Variants in RXFP2 observed in about 807,000 individuals in gnomAD.
RXFP2 encodes relaxin receptor 2.
A neutral mutation model predicts 88.6 loss-of-function variants in RXFP2; 68 were observed. The observed-to-expected ratio is 0.77, with a 90% confidence interval of 0.63 to 0.94. RXFP2 has a LOEUF of 0.94. Among genes scored for constraint, RXFP2 ranks in the 40% least tolerant of loss-of-function variants. The pLI, the probability that RXFP2 is intolerant of heterozygous loss-of-function variation, is 0.00. For synonymous variants in RXFP2, 329 were observed against 306.8 expected, an observed-to-expected ratio of 1.07 and a Z score of -0.76; for missense variants, 791 against 893.9, an observed-to-expected ratio of 0.88 and a Z score of 1.47.
chr13:31,758,242 C>T lies in RXFP2; in HGVS notation c.95-16C>T. 6.2e-7 allele frequency: 1 copy of T among 1,613,880 alleles called. No individual in the cohort carries two copies. Among genetic ancestry groups the T allele is most frequent in the African/African-American group, 1.3e-5 (1 of 75,008 alleles). ...GGCCATGGTAACACTTTGTTTTTGC[C>T]CCTTCTTTCATGTAGATTTTGCACT... is the stretch of plus-strand genomic sequence containing the variant. On this transcript the variant is annotated splice_polypyrimidine_tract_variant and intron_variant, in intron 1 of 17. Coordinates refer to ENST00000298386, the MANE Select transcript of RXFP2 (RefSeq NM_130806.5).
rs552571761 is a variant in RXFP2 at position 31,747,632 on chromosome 13, C to T, written c.94+7926C>T. ...TAAGTTCAGACAACAATTTTTGAGG[C>T]ATCTGCTATATACTAAGAACTGAAA... On this transcript the variant is annotated intron_variant, in intron 1 of 17. Coordinates refer to ENST00000298386, the MANE Select transcript of RXFP2 (RefSeq NM_130806.5). 2.0e-5 allele frequency among the ~76,000 whole-genome samples: 3 copies of T among 152,284 alleles called. No individual in the cohort carries two copies. In the East Asian group the frequency reaches 5.8e-4, roughly 29 times the overall value.
At chr13:31,753,343 G>A (rs910677207) in intron 1 of RXFP2, among the ~76,000 whole-genome samples, 12 of 152,084 alleles carry the variant, frequency 7.9e-5, no homozygotes, top group South Asian at 2.1e-4. Flanking sequence ...CCATCTAAAC[G>A]TCATTTTAAA....
chr13:31,742,692 G>C (rs746957928), intron 1 of RXFP2, among the ~76,000 whole-genome samples: 1 of 152,198 alleles, frequency 6.6e-6, no homozygotes, highest in Non-Finnish European at 1.5e-5. Context: ...AAAATTGCCT[G>C]CCATGTGAAT....
At chr13:31,798,809 C>A (rs927041163) in intron 17 of RXFP2, among the ~76,000 whole-genome samples, 1 of 152,200 alleles carries the variant, frequency 6.6e-6, no homozygotes, top group Non-Finnish European at 1.5e-5. Flanking sequence ...CTGGATTATA[C>A]TTTCACCTTC....
intron 1 of RXFP2, among the ~76,000 whole-genome samples, chr13:31,752,396 G>T (rs937887522): frequency 1.3e-5 from 2 of 152,060 alleles, no homozygotes; most frequent in Non-Finnish European, 2.9e-5. Context: ...ATTCCATTAG[G>T]GCAGGAATCT....
chr13:31,744,750 G>T, intron 1 of RXFP2, among the ~76,000 whole-genome samples: 1 of 149,306 alleles, frequency 6.7e-6, no homozygotes. Context: ...TTTTTTATTT[G>T]GATCATTCCA....
At chr13:31,752,081 C>G (rs1871696876) in intron 1 of RXFP2, among the ~76,000 whole-genome samples, 1 of 152,136 alleles carries the variant, frequency 6.6e-6, no homozygotes, top group African/African-American at 2.4e-5. Context: ...ATAAAGACAC[C>G]CAGGCAAGGA....
intron 17 of RXFP2, 42 bp downstream of exon 17, chr13:31,797,461 T>A: frequency 7.0e-7 from 1 of 1,433,198 alleles, no homozygotes; most frequent in Non-Finnish European, 9.8e-7. Context: ...ACATCGTGCC[T>A]TCTTACGTCC....
chr13:31,793,454 G>A (rs537826343), intron 16 of RXFP2, among the ~76,000 whole-genome samples: 3 of 146,430 alleles, frequency 2.0e-5, no homozygotes, highest in Admixed American at 2.0e-4. Flanking sequence ...TTACAATCTA[G>A]TTATGAGTTA....
chr13:31,794,231 T>C (rs1489744586), intron 16 of RXFP2, among the ~76,000 whole-genome samples: 1 of 152,168 alleles, frequency 6.6e-6, no homozygotes, highest in African/African-American at 2.4e-5. Flanking sequence ...CTACCCTATT[T>C]GGTAGTTATT....
intron 8 of RXFP2, 109 bp from the exon 9 acceptor site, chr13:31,778,403 A>C (rs1873095186): frequency 2.6e-6 from 2 of 760,688 alleles, no homozygotes; most frequent in Non-Finnish European, 4.6e-6. Context: ...TGTTATCATC[A>C]TAAGATATTA....
At chr13:31,785,215 G>T (rs1056455355) in intron 11 of RXFP2, among the ~76,000 whole-genome samples, 1 of 152,064 alleles carries the variant, frequency 6.6e-6, no homozygotes, top group Non-Finnish European at 1.5e-5. Context: ...GGACTTGGAT[G>T]CTTGGACTCT....
At chr13:31,793,544 T>A (rs899269723) in intron 16 of RXFP2, among the ~76,000 whole-genome samples, 1 of 152,196 alleles carries the variant, frequency 6.6e-6, no homozygotes, top group Non-Finnish European at 1.5e-5. Flanking sequence ...ATTGCCTTTG[T>A]TAAATGCAGC....
chr13:31,793,431 C>CT (rs35293680), intron 16 of RXFP2, among the ~76,000 whole-genome samples: 54,592 of 144,548 alleles, frequency 0.38, 10,088 homozygotes, highest in Admixed American at 0.46. Flanking sequence ...TATTTAAACT[C>CT]TTTTTTTTTT....
At chr13:31,775,001 A>G (rs1872881500) in intron 6 of RXFP2, among the ~76,000 whole-genome samples, 1 of 152,156 alleles carries the variant, frequency 6.6e-6, no homozygotes, top group Non-Finnish European at 1.5e-5. Flanking sequence ...TCTACTAAGG[A>G]TGTCACCAAA....
intron 1 of RXFP2, among the ~76,000 whole-genome samples, chr13:31,751,202 G>C (rs886840041): frequency 2.6e-5 from 4 of 152,118 alleles, no homozygotes; most frequent in Admixed American, 1.3e-4. Context: ...TGAGGCAGGA[G>C]AATCACTTGA....
chr13:31,793,744 C>T (rs1033979110), intron 16 of RXFP2, among the ~76,000 whole-genome samples: 1 of 151,984 alleles, frequency 6.6e-6, no homozygotes, highest in African/African-American at 2.4e-5. Flanking sequence ...AAGGCCTTTC[C>T]TATATCCTCT....
chr13:31,752,308 G>A (rs1296118872), intron 1 of RXFP2, among the ~76,000 whole-genome samples: 1 of 152,046 alleles, frequency 6.6e-6, no homozygotes. Flanking sequence ...CTGTGGATAG[G>A]GTCCTGAGGG....
intron 5 of RXFP2, among the ~76,000 whole-genome samples, chr13:31,771,957 A>AC (rs1872751258): frequency 1.3e-5 from 2 of 151,650 alleles, no homozygotes; most frequent in Admixed American, 1.3e-4. Context: ...TCCAAAAAAA[A>AC]ACAAAAAACA....
Sources: allele counts gnomAD v4.1 joint callset (sites outside exome capture counted in the v4.1 genomes callset), GRCh38; gene constraint gnomAD v4.1.1; transcripts MANE v1.5; gene names NCBI Gene and HGNC (gene_info 2026-07-23, HGNC 2026-07-21).